SBF2: variants seen among roughly 807,000 people sequenced by gnomAD.
The protein encoded by SBF2 is myotubularin-related protein 13.
SBF2 carries 112 observed loss-of-function variants against 225.2 expected under a neutral mutation model. The ratio of observed to expected loss-of-function variants is 0.50; its 90% CI spans 0.43 to 0.58. The LOEUF is 0.58. Among genes scored for constraint, SBF2 ranks in the 20% least tolerant of loss-of-function variants. The pLI is 0.00. For synonymous variants in SBF2, 763 were observed against 773.3 expected (o/e 0.99, Z 0.22); for missense variants, 1,996 against 2,206.2 (o/e 0.90, Z 1.91).
At chr11:9,875,324 T>A (rs1859131888) in intron 17 of SBF2, among the ~76,000 whole-genome samples, 1 of 152,148 alleles carries the variant, frequency 6.6e-6, no homozygotes, top group Non-Finnish European at 1.5e-5. Flanking sequence ...GTTTTCAAGC[T>A]CCAGAGGATC....
At chr11:10,240,509 G>A (rs1176571618) in intron 1 of SBF2, among the ~76,000 whole-genome samples, 1 of 152,122 alleles carries the variant, frequency 6.6e-6, no homozygotes, top group Non-Finnish European at 1.5e-5. Context: ...AAATCAAATG[G>A]TGAGTGACAC....
In SBF2 at chr11:10,135,648, CTT is replaced by C. The variant is rs1274679193; in HGVS notation, c.141+58252_141+58253del. ...GGCAGGGGCAATCTGTCACCAGTCTCTTTGCTAAAACATAATAAGAGTCACTT... is the reference window on the plus strand; with the variant it reads ...GGCAGGGGCAATCTGTCACCAGTCTCTGCTAAAACATAATAAGAGTCACTT... On this transcript the variant is annotated intron_variant, in intron 2 of 39. Transcript: ENST00000256190. Among the ~76,000 whole-genome samples the C allele has an allele frequency of 8.5e-5, 13 of 152,328 alleles. No homozygotes were observed. The East Asian group carries it at 2.5e-3, about 29-fold the overall frequency.
Position 9,938,772 on chromosome 11 carries a change from A to C in SBF2, c.1860+23185T>G, listed in dbSNP as rs780288291. Among the ~76,000 whole-genome samples, 14 of 152,276 alleles carry C rather than the reference A, an allele frequency of 9.2e-5. No homozygotes were observed. The South Asian group carries it at 1.2e-3, about 14-fold the overall frequency. ...CAGCTGCAATAAGAATCTTGCAAGAAAATTTAGACAACATATATATCTTGA... is the reference window on the plus strand; with the variant it reads ...CAGCTGCAATAAGAATCTTGCAAGACAATTTAGACAACATATATATCTTGA... On this transcript the variant is annotated intron_variant, in intron 16 of 39. Transcript: ENST00000256190.
In SBF2 at chr11:9,856,085, G is replaced by C. The variant is rs545599554; in HGVS notation, c.2363+373C>G. Among the ~76,000 whole-genome samples, 39 of 152,296 alleles carry C rather than the reference G, an allele frequency of 2.6e-4. 1 individual carries two copies. The South Asian group carries it at 7.9e-3, about 31-fold the overall frequency. Reference sequence around the variant, plus strand: ...GAGAGGAAGGCATGGTTGAGGGTATGACTACAAGGTTGAGGAAAAGGAGGG... The same window carrying C: ...GAGAGGAAGGCATGGTTGAGGGTATCACTACAAGGTTGAGGAAAAGGAGGG... On this transcript the variant is annotated intron_variant, in intron 19 of 39. Transcript: ENST00000256190.
chr11:9,962,298 G>T (rs1405598371), intron 15 of SBF2, among the ~76,000 whole-genome samples, 192 bp from the exon 16 acceptor site: 1 of 152,130 alleles, frequency 6.6e-6, no homozygotes, highest in African/African-American at 2.4e-5. Context: ...ATTTTTATAT[G>T]TAAACCAGCA....
intron 16 of SBF2, among the ~76,000 whole-genome samples, chr11:9,951,756 A>G (rs7935235): frequency 0.11 from 17,213 of 152,200 alleles, 1,077 homozygotes; most frequent in Non-Finnish European, 0.13. Context: ...AGAGGACAGG[A>G]CAATTATAAG....
chr11:9,995,484 C>A (rs948799668), intron 9 of SBF2, among the ~76,000 whole-genome samples: 1 of 152,164 alleles, frequency 6.6e-6, no homozygotes, highest in African/African-American at 2.4e-5. Flanking sequence ...ACAAAATAAT[C>A]CATATTACAC....
At chr11:9,895,688 G>A (rs1861195243) in intron 17 of SBF2, among the ~76,000 whole-genome samples, 1 of 152,068 alleles carries the variant, frequency 6.6e-6, no homozygotes, top group African/African-American at 2.4e-5. Context: ...CATAAATTCA[G>A]GTGTTATGAA....
intron 17 of SBF2, among the ~76,000 whole-genome samples, chr11:9,889,518 G>C (rs1481910469): frequency 1.3e-5 from 2 of 152,128 alleles, no homozygotes; most frequent in Admixed American, 1.3e-4. Flanking sequence ...TCTTTAAACT[G>C]AGGAGTCATG....
intron 19 of SBF2, 84 bp downstream of exon 19, chr11:9,856,374 C>T (rs758354061): frequency 1.3e-6 from 2 of 1,556,258 alleles, no homozygotes; most frequent in African/African-American, 1.4e-5. Flanking sequence ...GCAGTATTTG[C>T]TCAAAATGTT....
intron 2 of SBF2, among the ~76,000 whole-genome samples, chr11:10,098,092 A>G (rs371250289): frequency 7.3e-4 from 111 of 152,186 alleles, no homozygotes; most frequent in African/African-American, 2.5e-3. Context: ...CAACTAGGCT[A>G]TATGTTCCCC....
intron 1 of SBF2, among the ~76,000 whole-genome samples, chr11:10,195,818 A>G (rs972324266): frequency 6.6e-6 from 1 of 152,250 alleles, no homozygotes; most frequent in African/African-American, 2.4e-5. Context: ...GCTGCAGTAC[A>G]GTAACTTATC....
intron 1 of SBF2, among the ~76,000 whole-genome samples, chr11:10,277,989 C>T (rs1302030370): frequency 6.6e-6 from 1 of 152,140 alleles, no homozygotes; most frequent in Non-Finnish European, 1.5e-5. Flanking sequence ...AGTGTTGGAG[C>T]TTAACTAAGC....
intron 32 of SBF2, among the ~76,000 whole-genome samples, chr11:9,806,027 T>C (rs1314095687): frequency 6.6e-6 from 1 of 152,232 alleles, no homozygotes; most frequent in Non-Finnish European, 1.5e-5. Flanking sequence ...TTGTCTATTA[T>C]ATTCCAGAGA....
Position 9,989,537 on chromosome 11 carries a change from A to G in SBF2, c.1355T>C (p.Ile452Thr), listed in dbSNP as rs375708426. Reference protein sequence around the residue: ...KVEENNPVKMIKHVRELAEQL... With the variant: ...KVEENNPVKMTKHVRELAEQL... ...CTCAGCAAGTTCCCTGACATGCTTT[A>G]TCATCTTCACTGGGTTATTTTCTTC... is the stretch of plus-strand genomic sequence containing the variant. Residue 452 changes from isoleucine to threonine, a missense_variant, in exon 13 of 40, where the codon ATA (isoleucine) becomes ACA (threonine). Transcript: ENST00000256190. 1 of 1,610,168 alleles carries G rather than the reference A, an allele frequency of 6.2e-7. No individual in the cohort carries two copies. Among genetic ancestry groups the G allele is most frequent in the Non-Finnish European group, 8.5e-7 (1 of 1,177,032 alleles).
At position 10,301,250 on chromosome 11, in the gene SBF2, C is replaced by T. The variant is rs141351459; in HGVS notation, n.386+3242G>A. On this transcript the variant is annotated intron_variant and non_coding_transcript_variant, in intron 1 of 5. Coordinates refer to the SBF2 transcript ENST00000685217. ...AGGGTTTTAAACTTGGTCAACCTCCCGGAACTGTATGCCTATTTTATACTT... is the reference window on the plus strand; with the variant it reads ...AGGGTTTTAAACTTGGTCAACCTCCTGGAACTGTATGCCTATTTTATACTT... 2.7e-3 allele frequency among the ~76,000 whole-genome samples: 411 copies of T among 152,210 alleles called. 4 individuals are homozygous for T. The highest frequency in any genetic ancestry group is 9.5e-3 in the African/African-American group (393 of 41,524).
At chr11:9,996,380 CCTT>C (rs1291820444) in intron 9 of SBF2, among the ~76,000 whole-genome samples, 1 of 152,006 alleles carries the variant, frequency 6.6e-6, no homozygotes, top group African/African-American at 2.4e-5. Flanking sequence ...AATCAACTCA[CCTT>C]CTTTTTTTGT....
chr11:10,049,971 T>C (rs1262467972), intron 2 of SBF2, among the ~76,000 whole-genome samples: 3 of 152,156 alleles, frequency 2.0e-5, no homozygotes, highest in East Asian at 1.9e-4. Context: ...GGTTATAACA[T>C]AATGTAACGA....
chr11:10,024,586 C>G (rs1287030636), intron 6 of SBF2, among the ~76,000 whole-genome samples: 3 of 152,170 alleles, frequency 2.0e-5, no homozygotes, highest in African/African-American at 7.2e-5. Context: ...CTCAGCCCCC[C>G]AGACATCCAA....
Sources: allele counts gnomAD v4.1 joint callset (sites outside exome capture counted in the v4.1 genomes callset), GRCh38; gene constraint gnomAD v4.1.1; transcripts MANE v1.5; gene names NCBI Gene and HGNC (gene_info 2026-07-23, HGNC 2026-07-21).